Variants in DCAF1 observed in about 807,000 individuals in gnomAD.
DCAF1 encodes DDB1 and CUL4 associated factor 1, also known as DDB1- and CUL4-associated factor 1.
In DCAF1, 15 loss-of-function variants were observed where a neutral mutation model predicts 128.0. The ratio of observed to expected loss-of-function variants is 0.12; its 90% CI spans 0.08 to 0.18. The LOEUF (loss-of-function observed/expected upper bound fraction) is 0.18, where lower values mean the gene tolerates loss of function less well. Among genes scored for constraint, DCAF1 ranks in the 10% least tolerant of loss-of-function variants. The probability of loss-of-function intolerance (pLI) is 1.00; values close to 1 mark genes in which losing one functional copy is unlikely to be tolerated. For synonymous variants in DCAF1, 610 were observed against 603.0 expected (o/e 1.01, Z -0.17); for missense variants, 988 against 1,649.5 (o/e 0.60, Z 6.95).
In DCAF1 at chr3:51,403,360, T is replaced by A. The variant is rs1181408739; in HGVS notation, c.4248A>T (p.Glu1416Asp). The A allele has an allele frequency of 7.1e-6, 11 of 1,553,558 alleles. No homozygotes were observed. The highest frequency in any genetic ancestry group is 1.2e-5 in the South Asian group (1 of 84,248). ...EEEQEEEDDD[E>D]DDDDTDDLDE... ...CTAAATCATCGGTGTCATCATCATC[T>A]TCATCATCATCTTCTTCCTCCTGTT... The change falls in exon 24 of 25, where the codon GAA (glutamate) becomes GAT (aspartate). Residue 1416 changes from glutamate to aspartate, a missense_variant. Glu to Asp is a conservative substitution (Grantham distance 45, BLOSUM62 2). Transcript: ENST00000684031.
At chr3:51,440,181 G>A (rs782061507) in intron 9 of DCAF1, 3 of 508,700 alleles carry the variant, frequency 5.9e-6, no homozygotes, top group Non-Finnish European at 1.2e-5. Context: ...TGTAGAGATA[G>A]TAAGCCTCCT....
chr3:51,450,980 C>T (rs1702285293), intron 6 of DCAF1, among the ~76,000 whole-genome samples: 1 of 145,942 alleles, frequency 6.9e-6, no homozygotes, highest in African/African-American at 2.5e-5. Context: ...TGAAGTAACA[C>T]ATTCAGCAAA....
Position 51,407,984 on chromosome 3 carries a change from C to A in DCAF1, c.4212+4395G>T, listed in dbSNP as rs1383972251. ...TGGGTGACAGGGCGAGACTCCATCT[C>A]AAAAAAAAAAAAAAAAAAAAAAAAA... On this transcript the variant is annotated intron_variant, in intron 23 of 24. Transcript: ENST00000684031. Among the ~76,000 whole-genome samples the A allele has an allele frequency of 4.2e-3, 221 of 52,552 alleles. 5 individuals carry two copies. The highest frequency in any genetic ancestry group is 4.7e-3 in the Non-Finnish European group (148 of 31,676). The allele number at this position is 52,552 out of a possible 152,430, so 34.5% of individuals were successfully genotyped here. A position where few individuals can be genotyped will look rare whatever the true frequency, so the allele number is the denominator to read the frequency against.
At chr3:51,471,419 G>A (rs1482911225) in intron 3 of DCAF1, among the ~76,000 whole-genome samples, 4 of 151,440 alleles carry the variant, frequency 2.6e-5, no homozygotes, top group Non-Finnish European at 5.9e-5. Context: ...TCCTGACCTC[G>A]TGATCCACCC....
At chr3:51,453,722 G>A (rs1196473307) in intron 6 of DCAF1, among the ~76,000 whole-genome samples, 2 of 152,200 alleles carry the variant, frequency 1.3e-5, no homozygotes, top group Non-Finnish European at 2.9e-5. Context: ...GGAGGCCAAG[G>A]CGGGCAGATC....
intron 20 of DCAF1, among the ~76,000 whole-genome samples, chr3:51,413,630 T>C (rs1322552530): frequency 6.6e-6 from 1 of 152,248 alleles, no homozygotes; most frequent in African/African-American, 2.4e-5. Context: ...AGTGTTACTG[T>C]ACTTACAAGG....
At chr3:51,416,913 G>A in intron 17 of DCAF1, 42 bp from the exon 18 acceptor site, 1 of 1,573,076 alleles carries the variant, frequency 6.4e-7, no homozygotes, top group Non-Finnish European at 8.6e-7. Context: ...CAGATCTTCA[G>A]GACATATTCC....
rs1701399727 is a variant in DCAF1 at position 51,441,956 on chromosome 3, TTAA to T, written c.514-62_514-60del. 7 of 1,512,248 alleles carry T rather than the reference TTAA, an allele frequency of 4.6e-6. No homozygotes were observed. The Admixed American group carries it at 1.1e-4, about 24-fold the overall frequency. The allele number at this position is 1,512,248 out of a possible 1,614,324, so 93.7% of individuals were successfully genotyped here. On this transcript the variant is annotated intron_variant, in intron 7 of 24. Transcript: ENST00000684031. ...CTCTTTATTAAGGATTAAGTAATCC[TTAA>T]TAATTCTTATTTCCACATAATAACT...
chr3:51,397,491 A>ACTC (rs1553623414), downstream of DCAF1: 1 of 166,944 alleles, frequency 6.0e-6, no homozygotes, highest in African/African-American at 2.4e-5. Context: ...AGCTTTGCCA[A>ACTC]CTCCATCCTC....
At chr3:51,493,557 G>C (rs1707898170) in intron 2 of DCAF1, among the ~76,000 whole-genome samples, 1 of 152,130 alleles carries the variant, frequency 6.6e-6, no homozygotes, top group African/African-American at 2.4e-5. Flanking sequence ...ATCAGATGAA[G>C]AGATAAACAA....
upstream of DCAF1, among the ~76,000 whole-genome samples, chr3:51,500,670 A>C (rs1708756862): frequency 6.6e-6 from 1 of 152,010 alleles, no homozygotes; most frequent in Non-Finnish European, 1.5e-5. Context: ...TCCAGCTGAG[A>C]CTACAGGCGC....
At chr3:51,454,477 T>G (rs1418785762) in intron 6 of DCAF1, among the ~76,000 whole-genome samples, 1 of 152,236 alleles carries the variant, frequency 6.6e-6, no homozygotes, top group East Asian at 1.9e-4. Flanking sequence ...TTCTCATGCC[T>G]CAGCCTCCCA....
chr3:51,450,637 C>A (rs1702253934), intron 6 of DCAF1, among the ~76,000 whole-genome samples: 1 of 152,132 alleles, frequency 6.6e-6, no homozygotes, highest in Non-Finnish European at 1.5e-5. Context: ...CCCTTAAGAT[C>A]AAGAAAAAGA....
At chr3:51,447,836 T>G (rs1311570601) in intron 6 of DCAF1, among the ~76,000 whole-genome samples, 1 of 152,038 alleles carries the variant, frequency 6.6e-6, no homozygotes. Context: ...TAATCCCAGC[T>G]ACTCAGGAGG....
chr3:51,446,999 T>TAAA (rs1553640411), intron 6 of DCAF1, among the ~76,000 whole-genome samples: 48 of 148,148 alleles, frequency 3.2e-4, no homozygotes, highest in South Asian at 8.4e-4. Flanking sequence ...ATAATAATAA[T>TAAA]AAAATGTTTT....
Position 51,416,857 on chromosome 3 carries a change from T to C in DCAF1, c.3533A>G (p.Glu1178Gly). 6.2e-7 allele frequency: 1 copy of C among 1,609,556 alleles called. No individual in the cohort carries two copies. The highest frequency in any genetic ancestry group is 8.5e-7 in the Non-Finnish European group (1 of 1,177,790). ...SVFDMKHSFT[E>G]DHYVEFSKHS... The stretch of plus-strand genomic sequence containing the variant: ...CTTACTGAACTCAACATAGTGATCT[T>C]CTGTGAAGGAATGCCTATGGACAAA... The change falls in exon 18 of 25, where the codon GAA becomes GGA. Residue 1178 changes from glutamate (E) to glycine (G), a missense_variant. Physicochemically the swap from Glu to Gly is moderately conservative, Grantham distance 98. Coordinates refer to ENST00000684031, the MANE Select transcript of DCAF1 (RefSeq NM_001387579.1).
chr3:51,476,326 G>T lies in DCAF1; in HGVS notation c.111-5321C>A, dbSNP rs576986405. Among the ~76,000 whole-genome samples, 5 of 151,830 alleles carry T rather than the reference G, an allele frequency of 3.3e-5. No individual in the cohort carries two copies. The South Asian group carries it at 8.3e-4, about 25-fold the overall frequency. On this transcript the variant is annotated intron_variant, in intron 3 of 24. Transcript: ENST00000684031. Reference sequence around the variant, plus strand: ...GACTCACTTCAGCCAGGGAGGCAGAGATTGCAGTGAGCCAAGATCGAGCCA... The same window carrying T: ...GACTCACTTCAGCCAGGGAGGCAGATATTGCAGTGAGCCAAGATCGAGCCA...
intron 24 of DCAF1, among the ~76,000 whole-genome samples, chr3:51,399,784 T>C (rs551788689): frequency 1.3e-5 from 2 of 152,208 alleles, no homozygotes; most frequent in South Asian, 4.1e-4. Flanking sequence ...TGAAACCATT[T>C]TACCTAGGTC....
intron 21 of DCAF1, 53 bp downstream of exon 21, chr3:51,413,228 AT>A: frequency 6.3e-7 from 1 of 1,575,070 alleles, no homozygotes; most frequent in Non-Finnish European, 8.6e-7. Flanking sequence ...AGGATCTTAA[AT>A]AAGGAACACC....
Sources: allele counts gnomAD v4.1 joint callset (sites outside exome capture counted in the v4.1 genomes callset), GRCh38; gene constraint gnomAD v4.1.1; transcripts MANE v1.5; gene names NCBI Gene and HGNC (gene_info 2026-07-23, HGNC 2026-07-21).